The following LAMA4 variants were observed in gnomAD, a reference collection of about 807,000 sequenced individuals.
LAMA4 encodes the protein laminin subunit alpha 4, also known as laminin subunit alpha-4.
A neutral mutation model predicts 207.1 loss-of-function variants in LAMA4; 127 were observed. The ratio of observed to expected loss-of-function variants is 0.61; its 90% CI spans 0.53 to 0.71. The LOEUF is 0.71. LAMA4 is among the 30% of genes least tolerant of loss of function. The pLI, the probability that LAMA4 is intolerant of heterozygous loss-of-function variation, is 0.00. For synonymous variants in LAMA4, 761 were observed against 816.0 expected (o/e 0.93, Z 1.15); for missense variants, 2,093 against 2,246.5 (o/e 0.93, Z 1.38).
chr6:112,205,242 G>A (rs1449495182), intron 4 of LAMA4, among the ~76,000 whole-genome samples: 1 of 152,200 alleles, frequency 6.6e-6, no homozygotes, highest in Non-Finnish European at 1.5e-5. Flanking sequence ...GTTCAGTAAA[G>A]GCAACATCTA....
Position 112,108,625 on chromosome 6 carries a change from A to G in LAMA4, c.*812T>C, listed in dbSNP as rs1306131542. 6.6e-6 allele frequency: 1 copy of G among 152,194 alleles called. No individual in the cohort carries two copies. The highest frequency in any genetic ancestry group is 1.5e-5 in the Non-Finnish European group (1 of 68,048). The allele number at this position is 152,194 out of a possible 1,614,324, so 9.4% of individuals were successfully genotyped here. The stretch of plus-strand genomic sequence containing the variant: ...ATCTCATTATGTTGCCCAGGCTAGG[A>G]GCAAACTTTTAATAAAAGGACTTGT... On this transcript the variant is annotated 3_prime_UTR_variant, in exon 39 of 39. Coordinates refer to ENST00000230538, the MANE Select transcript of LAMA4 (RefSeq NM_001105206.3).
intron 2 of LAMA4, among the ~76,000 whole-genome samples, chr6:112,228,695 G>A (rs1785370106): frequency 6.6e-6 from 1 of 152,236 alleles, no homozygotes; most frequent in Non-Finnish European, 1.5e-5. Flanking sequence ...GGCGGGAGCT[G>A]CCATCTTGGG....
intron 2 of LAMA4, among the ~76,000 whole-genome samples, chr6:112,227,514 C>T (rs782381203): frequency 2.9e-4 from 44 of 152,276 alleles, no homozygotes; most frequent in Admixed American, 6.5e-4. Context: ...TATAGGATTT[C>T]CATGTCTATA....
intron 32 of LAMA4, among the ~76,000 whole-genome samples, chr6:112,121,426 T>G (rs1027737712): frequency 6.6e-6 from 1 of 152,254 alleles, no homozygotes; most frequent in South Asian, 2.1e-4. Context: ...TAGAGATTTC[T>G]TATTGAATAC....
intron 9 of LAMA4, chr6:112,179,988 A>G (rs781954553): frequency 1.9e-6 from 1 of 517,534 alleles, no homozygotes; most frequent in Non-Finnish European, 4.0e-6. Context: ...TTTTAAAATT[A>G]AATATGCAGA....
In LAMA4 at chr6:112,147,712, G is replaced by C. The variant is rs184033429; in HGVS notation, c.2353+445C>G. On this transcript the variant is annotated intron_variant, in intron 18 of 38. Transcript: ENST00000230538. The stretch of plus-strand genomic sequence containing the variant: ...CTGGAGTTATGTTTGGCCATATTCA[G>C]TACTTGTTGGTAATAACCTAATTAC... Among the ~76,000 whole-genome samples the C allele has an allele frequency of 3.0e-3, 458 of 152,284 alleles. 1 individual carries two copies. The highest frequency in any genetic ancestry group is 5.6e-3 in the Non-Finnish European group (380 of 67,996).
At chr6:112,124,046 G>A (rs1032016308) in intron 31 of LAMA4, among the ~76,000 whole-genome samples, 33 of 152,136 alleles carry the variant, frequency 2.2e-4, no homozygotes, top group Non-Finnish European at 3.8e-4. Context: ...CCAAATACAT[G>A]CTCTATTTCA....
chr6:112,126,432 C>T (rs1166925005), intron 31 of LAMA4, among the ~76,000 whole-genome samples: 1 of 152,124 alleles, frequency 6.6e-6, no homozygotes. Flanking sequence ...CCAGCAAAAT[C>T]CTTCATGAGA....
rs1554330319 is a variant in LAMA4 at position 112,132,842 on chromosome 6, G to C, written c.3745C>G (p.Gln1249Glu). Reference sequence around the variant, plus strand: ...AAGCCATCAAAGAAAGATATTTTCTGAATTGAAGCAATGAAGCTCTGTCCA... The same window carrying C: ...AAGCCATCAAAGAAAGATATTTTCTCAATTGAAGCAATGAAGCTCTGTCCA... ...FNGQSFIASIQKISFFDGFEG... is the reference protein window; with the variant it reads ...FNGQSFIASIEKISFFDGFEG... The change falls in exon 28 of 39, where the codon CAG (glutamine) becomes GAG (glutamate). Residue 1249 changes from glutamine (Q) to glutamate (E), a missense_variant. By Grantham distance (29) the Gln-to-Glu change is conservative (BLOSUM62 2). This residue lies in a region of LAMA4 where 1,704 missense variants were observed against 1,788.4 expected (regional missense o/e 0.95). Coordinates refer to ENST00000230538, the MANE Select transcript of LAMA4 (RefSeq NM_001105206.3). 1 of 1,612,604 alleles carries C rather than the reference G, an allele frequency of 6.2e-7. No homozygotes were observed. The highest frequency in any genetic ancestry group is 1.3e-5 in the African/African-American group (1 of 74,872).
chr6:112,247,620 C>T (rs1285395599), intron 2 of LAMA4, among the ~76,000 whole-genome samples: 3 of 152,212 alleles, frequency 2.0e-5, no homozygotes, highest in Non-Finnish European at 4.4e-5. Context: ...CCACCACTCA[C>T]AGGATGCGTT....
intron 14 of LAMA4, 128 bp from the exon 15 acceptor site, chr6:112,155,834 G>A: frequency 4.6e-6 from 5 of 1,085,538 alleles, no homozygotes; most frequent in Non-Finnish European, 7.0e-6. Context: ...AAGTCACCTA[G>A]TGTGGCAAGG....
At chr6:112,198,327 G>A (rs1324402528) in intron 5 of LAMA4, among the ~76,000 whole-genome samples, 4 of 152,216 alleles carry the variant, frequency 2.6e-5, no homozygotes, top group Non-Finnish European at 4.4e-5. Context: ...CAGGTTCTTG[G>A]TTTGGACTAA....
rs191640533 is a variant in LAMA4 at position 112,237,956 on chromosome 6, T to C, written c.195+16000A>G. 1.7e-3 allele frequency among the ~76,000 whole-genome samples: 259 copies of C among 152,364 alleles called. 1 individual carries two copies. Among genetic ancestry groups the C allele is most frequent in the African/African-American group, 6.0e-3 (250 of 41,580 alleles). On this transcript the variant is annotated intron_variant, in intron 2 of 38. Transcript: ENST00000230538. ...TGACAAATCATGATTCTCACTGTGT[T>C]TCTCTTTCTTCTGCTATGAAGTCTT...
At chr6:112,192,487 A>G (rs1783176709) in intron 5 of LAMA4, among the ~76,000 whole-genome samples, 1 of 152,204 alleles carries the variant, frequency 6.6e-6, no homozygotes, top group Admixed American at 6.5e-5. Context: ...GTCAAAGCAG[A>G]TGGCAGAGCT....
In LAMA4 at chr6:112,207,755, T is replaced by C. The variant is rs372818891; in HGVS notation, c.298-610A>G. On this transcript the variant is annotated intron_variant, in intron 3 of 38. Transcript: ENST00000230538. ...ATTTTCCCACTTGTAGTAAAGATTA[T>C]AGGAGTAAAAGCACAAAGCAGGCTG... is the stretch of plus-strand genomic sequence containing the variant. Among the ~76,000 whole-genome samples, 56 of 152,206 alleles carry C rather than the reference T, an allele frequency of 3.7e-4. No homozygotes were observed. The South Asian group carries it at 0.011, about 29-fold the overall frequency.
chr6:112,115,930 G>A lies in LAMA4; in HGVS notation c.5045C>T (p.Ser1682Phe), dbSNP rs1554323597. ...IAFEVRPRSSSGTLVHGHSVN... is the reference protein window; with the variant it reads ...IAFEVRPRSSFGTLVHGHSVN... ...ACTGTGGCCGTGGACCAGGGTTCCG[G>A]AACTGCTTCTGGGACGGACTTCAAA... Residue 1682 changes from serine (S) to phenylalanine (F), a missense_variant, in exon 36 of 39, where the codon TCC becomes TTC. By Grantham distance (155) the Ser-to-Phe change is radical. This residue lies in a region of LAMA4 where 383 missense variants were observed against 437.8 expected (regional missense o/e 0.87). Coordinates refer to ENST00000230538, the MANE Select transcript of LAMA4 (RefSeq NM_001105206.3). The A allele has an allele frequency of 6.2e-7, 1 of 1,613,460 alleles. No homozygotes were observed.
chr6:112,113,985 A>G, intron 38 of LAMA4, 91 bp downstream of exon 38: 1 of 1,432,534 alleles, frequency 7.0e-7, no homozygotes, highest in Non-Finnish European at 9.8e-7. Context: ...AACTAGGTGC[A>G]TCATAAAAAC....
At chr6:112,204,984 A>G (rs797024640) in intron 4 of LAMA4, among the ~76,000 whole-genome samples, 5 of 152,310 alleles carry the variant, frequency 3.3e-5, no homozygotes, top group African/African-American at 1.2e-4. Flanking sequence ...TTGGTGTTCA[A>G]TTAAGGAAAA....
chr6:112,248,652 T>A (rs1562110661), intron 2 of LAMA4, among the ~76,000 whole-genome samples: 1 of 152,174 alleles, frequency 6.6e-6, no homozygotes, highest in Non-Finnish European at 1.5e-5. Context: ...ATAAATTCCA[T>A]AACATAGACC....
Sources: gnomAD v4.1 joint callset for allele counts (sites outside exome capture counted in the v4.1 genomes callset) on GRCh38, gnomAD v4.1.1 for gene constraint, gnomAD v4.1.1 regional missense constraint, MANE v1.5 for transcripts, NCBI Gene and HGNC (gene_info 2026-07-23, HGNC 2026-07-21) for gene names.